TAFA1: variants seen among roughly 807,000 people sequenced by gnomAD.
TAFA1 encodes TAFA chemokine like family member 1.
A neutral mutation model predicts 18.5 loss-of-function variants in TAFA1; 4 were observed. The ratio of observed to expected loss-of-function variants is 0.22; its 90% confidence interval spans 0.11 to 0.49. The LOEUF (loss-of-function observed/expected upper bound fraction) is 0.49, where lower values mean the gene tolerates loss of function less well. Among genes scored for constraint, TAFA1 ranks in the 20% least tolerant of loss-of-function variants. The pLI is 0.98. For missense variants in TAFA1, 147 were observed against 169.0 expected, an observed-to-expected ratio of 0.87 and a Z score of 0.72; for synonymous variants, 56 against 55.2, an observed-to-expected ratio of 1.01 and a Z score of -0.06.
At chr3:68,196,398 A>G (rs1488984066) in intron 2 of TAFA1, among the ~76,000 whole-genome samples, 1 of 151,690 alleles carries the variant, frequency 6.6e-6, no homozygotes, top group African/African-American at 2.4e-5. Flanking sequence ...CAATCTATCT[A>G]TCTATAAATT....
chr3:68,146,472 T>G, intron 2 of TAFA1, among the ~76,000 whole-genome samples: 1 of 152,212 alleles, frequency 6.6e-6, no homozygotes, highest in East Asian at 1.9e-4. Context: ...TCTCAGGAGA[T>G]GTTCAACACC....
chr3:68,425,205 C>G (rs377360023), intron 3 of TAFA1, among the ~76,000 whole-genome samples: 12 of 151,990 alleles, frequency 7.9e-5, no homozygotes, highest in African/African-American at 1.4e-4. Flanking sequence ...AGAAGATGAC[C>G]TATTTTGGTT....
intron 3 of TAFA1, among the ~76,000 whole-genome samples, chr3:68,491,715 T>C (rs2072457375): frequency 6.6e-6 from 1 of 151,568 alleles, no homozygotes. Context: ...TAAAAAAGAG[T>C]GGAAAGGGAT....
intron 2 of TAFA1, among the ~76,000 whole-genome samples, chr3:68,210,652 C>T (rs1035514341): frequency 6.6e-6 from 1 of 152,048 alleles, no homozygotes; most frequent in African/African-American, 2.4e-5. Flanking sequence ...TCTTCCCAAG[C>T]TCTATTCAGT....
chr3:68,510,271 A>G (rs1221852636), intron 3 of TAFA1, among the ~76,000 whole-genome samples: 1 of 152,098 alleles, frequency 6.6e-6, no homozygotes, highest in Non-Finnish European at 1.5e-5. Context: ...ATACTCAACC[A>G]TAATGTCCTG....
At chr3:68,410,516 A>T (rs2106776400) in intron 2 of TAFA1, among the ~76,000 whole-genome samples, 1 of 152,178 alleles carries the variant, frequency 6.6e-6, no homozygotes, top group East Asian at 1.9e-4. Flanking sequence ...TTTTAGATGT[A>T]TGTTTTCTGC....
intron 2 of TAFA1, among the ~76,000 whole-genome samples, chr3:68,245,711 A>G (rs962259056): frequency 1.3e-5 from 2 of 152,240 alleles, no homozygotes; most frequent in Admixed American, 6.5e-5. Context: ...TCCTCTACTG[A>G]TTACTTGCTA....
intron 3 of TAFA1, among the ~76,000 whole-genome samples, chr3:68,494,133 G>T (rs555851545): frequency 6.6e-6 from 1 of 152,044 alleles, no homozygotes; most frequent in African/African-American, 2.4e-5. Context: ...ACAGAGTCTC[G>T]CTCTGTCACC....
intron 2 of TAFA1, among the ~76,000 whole-genome samples, chr3:68,075,357 G>A (rs73834817): frequency 6.6e-6 from 1 of 152,028 alleles, no homozygotes; most frequent in Non-Finnish European, 1.5e-5. Flanking sequence ...TTTTCTATAA[G>A]CTGATTCAGA....
At chr3:68,326,786 A>G (rs2106719154) in intron 2 of TAFA1, among the ~76,000 whole-genome samples, 1 of 152,366 alleles carries the variant, frequency 6.6e-6, no homozygotes, top group South Asian at 2.1e-4. Context: ...CTGAGAAATA[A>G]GAAATATTAT....
rs184951486 is a variant in TAFA1, at chr3:68,007,517, G to A, written c.118+773G>A. 4.7e-4 allele frequency among the ~76,000 whole-genome samples: 72 copies of A among 151,918 alleles called. No individual in the cohort carries two copies. The Middle Eastern group carries it at 0.01, about 22-fold the overall frequency. ...CAGCTCGATTGTCCTTACCTTCCCCGGTTCTTGGAAAAATTTCCTTCCATT... is the reference window on the plus strand; with the variant it reads ...CAGCTCGATTGTCCTTACCTTCCCCAGTTCTTGGAAAAATTTCCTTCCATT... On this transcript the variant is annotated intron_variant, in intron 2 of 4. Coordinates refer to ENST00000478136, the MANE Select transcript of TAFA1 (RefSeq NM_213609.4).
At chr3:68,287,911 GGGT>G (rs137931845) in intron 2 of TAFA1, among the ~76,000 whole-genome samples, 10,166 of 132,676 alleles carry the variant, frequency 0.077, 1,104 homozygotes, top group African/African-American at 0.2. Context: ...TTTTGTTGGG[GGGT>G]GGGGGGGCTT....
intron 2 of TAFA1, among the ~76,000 whole-genome samples, chr3:68,173,654 G>A (rs1178177691): frequency 6.6e-6 from 1 of 152,120 alleles, no homozygotes; most frequent in Admixed American, 6.5e-5. Flanking sequence ...CATGGAGACC[G>A]ACAAGTCTTC....
At chr3:68,179,879 C>T (rs986178775) in intron 2 of TAFA1, among the ~76,000 whole-genome samples, 1 of 151,922 alleles carries the variant, frequency 6.6e-6, no homozygotes, top group Non-Finnish European at 1.5e-5. Context: ...TTACCTGACC[C>T]CATTTATTTG....
intron 2 of TAFA1, among the ~76,000 whole-genome samples, chr3:68,354,785 G>A (rs537409478): frequency 6.6e-6 from 1 of 152,008 alleles, no homozygotes; most frequent in Admixed American, 6.6e-5. Context: ...TCCTCCAGAG[G>A]GGATGAATGC....
chr3:68,372,474 A>G (rs907627914), intron 2 of TAFA1, among the ~76,000 whole-genome samples: 4 of 152,186 alleles, frequency 2.6e-5, no homozygotes, highest in Non-Finnish European at 4.4e-5. Flanking sequence ...ACTTTGATGA[A>G]GAGAGCCAGG....
intron 2 of TAFA1, among the ~76,000 whole-genome samples, chr3:68,188,530 G>C (rs1007843575): frequency 1.3e-5 from 2 of 149,058 alleles, no homozygotes; most frequent in African/African-American, 4.9e-5. Flanking sequence ...TATAGAGAGA[G>C]AGAGAGAGAG....
At chr3:68,503,165 C>A (rs1029792929) in intron 3 of TAFA1, among the ~76,000 whole-genome samples, 1 of 152,116 alleles carries the variant, frequency 6.6e-6, no homozygotes, top group African/African-American at 2.4e-5. Context: ...ATGAACAACA[C>A]ACATAGATTA....
chr3:68,443,473 CA>C (rs56944130), intron 3 of TAFA1, among the ~76,000 whole-genome samples: 30,960 of 95,600 alleles, frequency 0.32, 3,720 homozygotes, highest in African/African-American at 0.53. Context: ...GGGCAATTTA[CA>C]AAAAAAAAAA....
Sources: gnomAD v4.1 joint callset for allele counts (sites outside exome capture counted in the v4.1 genomes callset) on GRCh38, gnomAD v4.1.1 for gene constraint, MANE v1.5 for transcripts, NCBI Gene and HGNC (gene_info 2026-07-23, HGNC 2026-07-21) for gene names.